IGSF1: variants seen among roughly 807,000 people sequenced by gnomAD.
IGSF1 encodes immunoglobulin superfamily member 1.
Under a neutral mutation model 95.3 loss-of-function variants are expected in IGSF1, and 40 were observed. The ratio of observed to expected loss-of-function variants is 0.42; its 90% confidence interval spans 0.33 to 0.55. The LOEUF (loss-of-function observed/expected upper bound fraction) is 0.55. IGSF1 is among the 20% of genes least tolerant of loss of function. The pLI, the probability that IGSF1 is intolerant of heterozygous loss-of-function variation, is 0.10. For missense variants in IGSF1, 906 were observed against 1,025.4 expected, an observed-to-expected ratio of 0.88 and a Z score of 1.59; for synonymous variants, 372 against 382.9, an observed-to-expected ratio of 0.97 and a Z score of 0.33.
In IGSF1 at chrX:131,282,432, G is replaced by A; in HGVS notation, c.1246+12C>T. 8.4e-7 allele frequency: 1 copy of A among 1,187,066 alleles called. No homozygotes were observed. The highest frequency in any genetic ancestry group is 1.1e-6 in the Non-Finnish European group (1 of 876,326). ...AAACAGGTTGATAATAAAAACAGTT[G>A]TTAACACTTGCCTACAACCATAAGC... is the stretch of plus-strand genomic sequence containing the variant. On this transcript the variant is annotated intron_variant, in intron 7 of 19. Coordinates refer to ENST00000361420, the MANE Select transcript of IGSF1 (RefSeq NM_001555.5).
In IGSF1 at chrX:131,273,773, A is replaced by G. The variant is rs2080443601; in HGVS notation, c.*23T>C. ...CTGAGAGCAAGAGAGAGGAGAGGAA[A>G]GCTCTTGTAAAGGAGGAGATTATTA... On this transcript the variant is annotated 3_prime_UTR_variant, in exon 20 of 20. Coordinates refer to ENST00000361420, the MANE Select transcript of IGSF1 (RefSeq NM_001555.5). 13 of 1,194,576 alleles carry G rather than the reference A, an allele frequency of 1.1e-5. No individual in the cohort carries two copies. The highest frequency in any genetic ancestry group is 1.5e-5 in the Non-Finnish European group (13 of 884,817).
rs755673400 is a variant in IGSF1, at chrX:131,275,316, AAG to A, written c.3185-32_3185-31del. On this transcript the variant is annotated intron_variant, in intron 16 of 19. Transcript: ENST00000361420. Reference sequence around the variant, plus strand: ...AAGAAATGAACTCCTGGTCAAAGAGAAGAGGTCACTTTCCAGTGCATCACCCC... The same window carrying A: ...AAGAAATGAACTCCTGGTCAAAGAGAAGGTCACTTTCCAGTGCATCACCCC... 3.3e-5 allele frequency: 40 copies of A among 1,194,271 alleles called. No individual in the cohort carries two copies. In the Admixed American group the frequency reaches 8.8e-4, roughly 26 times the overall value.
At chrX:131,274,932 A>AC in intron 17 of IGSF1, 55 bp from the exon 18 acceptor site, 1 of 1,196,960 alleles carries the variant, frequency 8.4e-7, no homozygotes, top group Non-Finnish European at 1.1e-6. Context: ...TTAGCCTTTT[A>AC]CCCCCTTATT....
At chrX:131,278,298 A>C (rs1171838097) in intron 12 of IGSF1, among the ~76,000 whole-genome samples, 163 bp downstream of exon 12, 6 of 101,333 alleles carry the variant, frequency 5.9e-5, no homozygotes, top group Non-Finnish European at 1.2e-4. Context: ...CCCTCCCCCT[A>C]CCCCATAACC....
At position 131,281,856 on chromosome X, in the gene IGSF1, A is replaced by G; in HGVS notation, c.1335T>C (p.His445=). ...ATTCCAGAGAAAATTCCAGTACTGG[A>G]TGAGATACTCGGCACTGAAGGGTGA... is the stretch of plus-strand genomic sequence containing the variant. The part of the protein sequence containing the change: ...KAITLQCRVS[H]PVLEFSLEWE... The change falls in exon 8 of 20, where the codon CAT becomes CAC. Residue 445 remains histidine, a synonymous_variant. Coordinates refer to ENST00000361420, the MANE Select transcript of IGSF1 (RefSeq NM_001555.5). 8.3e-7 allele frequency: 1 copy of G among 1,209,215 alleles called. No homozygotes were observed. Among genetic ancestry groups the G allele is most frequent in the African/African-American group, 1.7e-5 (1 of 57,644 alleles).
At position 131,274,065 on chromosome X, in the gene IGSF1, A is replaced by G; in HGVS notation, c.3875+18T>C. The G allele has an allele frequency of 8.3e-7, 1 of 1,211,119 alleles. No individual in the cohort carries two copies. Among genetic ancestry groups the G allele is most frequent in the South Asian group, 1.8e-5 (1 of 56,904 alleles). On this transcript the variant is annotated intron_variant, in intron 19 of 19. Transcript: ENST00000361420. ...CACCTGGTTCACAGAAGGGGGCCAT[A>G]ATGAGGCATTTATTTACCTGGTTCG...
At chrX:131,278,871 CCTTTCCTT>C (rs1369246315) in intron 11 of IGSF1, 120 bp from the exon 12 acceptor site, 22 of 685,272 alleles carry the variant, frequency 3.2e-5, no homozygotes, top group Non-Finnish European at 4.9e-5. Flanking sequence ...AAATCCAAAC[CCTTTCCTT>C]CTTTCCTTCC....
chrX:131,282,733 A>G lies in IGSF1; in HGVS notation c.957T>C (p.Thr319=), dbSNP rs1377238883. Residue 319 remains threonine (T), a synonymous_variant, in exon 7 of 20, where the codon ACT becomes ACC. Transcript: ENST00000361420. Reference sequence around the variant, plus strand: ...GAGCAAGTAGCCAGGTCTTGGGGAAAGTGTCTAGGATGAGACCCAGAATAA... The same window carrying G: ...GAGCAAGTAGCCAGGTCTTGGGGAAGGTGTCTAGGATGAGACCCAGAATAA... The part of the protein sequence containing the change: ...SDVLKIWVTD[T]FPKTWLLARP... 2.5e-6 allele frequency: 3 copies of G among 1,199,738 alleles called. No individual in the cohort carries two copies. Among genetic ancestry groups the G allele is most frequent in the Non-Finnish European group, 3.4e-6 (3 of 888,559 alleles).
chrX:131,282,553 G>C lies in IGSF1; in HGVS notation c.1137C>G (p.Leu379=). 1 of 1,209,327 alleles carries C rather than the reference G, an allele frequency of 8.3e-7. No homozygotes were observed. Among genetic ancestry groups the C allele is most frequent in the South Asian group, 1.8e-5 (1 of 56,893 alleles). The part of the protein sequence containing the change: ...TSIDDNTSFF[L]NNVTYSDTGI... ...CAGTATCACTGTAGGTTACATTGTT[G>C]AGGAAGAATGATGTGTTGTCATCGA... The change falls in exon 7 of 20, where the codon CTC becomes CTG. Residue 379 remains leucine (L), a synonymous_variant. Transcript: ENST00000361420.
chrX:131,279,072 G>A (rs2080516674), intron 11 of IGSF1, 71 bp downstream of exon 11: 2 of 1,049,971 alleles, frequency 1.9e-6, no homozygotes, highest in African/African-American at 3.7e-5. Flanking sequence ...CCTGGCCAAT[G>A]ACACTGACGC....
At chrX:131,280,945 C>T (rs780571873) in intron 9 of IGSF1, 39 of 254,500 alleles carry the variant, frequency 1.5e-4, no homozygotes, top group South Asian at 9.5e-5. Flanking sequence ...GGTTTGTGGG[C>T]GAGATTTGGG....
intron 5 of IGSF1, chrX:131,284,648 C>G (rs2080607094): frequency 1.3e-6 from 1 of 744,558 alleles, no homozygotes; most frequent in African/African-American, 2.3e-5. Flanking sequence ...CTTACTAGCT[C>G]TACTGATAGG....
Position 131,276,998 on chromosome X carries a change from C to T in IGSF1, c.2549G>A (p.Arg850Gln), listed in dbSNP as rs374589007. Reference sequence around the variant, plus strand: ...AGACCAGATAGAAAAGTCATAATATCGGCAGCTGTAATTCCCTCCATCACC... The same window carrying T: ...AGACCAGATAGAAAAGTCATAATATTGGCAGCTGTAATTCCCTCCATCACC... ...GIGDGGNYSC[R>Q]YYDFSIWSEP... The change falls in exon 14 of 20, where the codon CGA (arginine) becomes CAA (glutamine). Residue 850 changes from arginine to glutamine, a missense_variant. Physicochemically the swap from Arg to Gln is conservative, Grantham distance 43. This residue lies in a region of IGSF1 where 411 missense variants were observed against 494.9 expected (regional missense o/e 0.83). Coordinates refer to ENST00000361420, the MANE Select transcript of IGSF1 (RefSeq NM_001555.5). 7.4e-6 allele frequency: 9 copies of T among 1,210,934 alleles called. No individual in the cohort carries two copies. The highest frequency in any genetic ancestry group is 3.0e-5 in the East Asian group (1 of 33,829).
rs138781536 is a variant in IGSF1, at chrX:131,283,058, C to T, written c.874G>A (p.Gly292Arg). The T allele has an allele frequency of 2.5e-6, 3 of 1,203,648 alleles. No homozygotes were observed. The highest frequency in any genetic ancestry group is 5.9e-5 in the East Asian group (2 of 33,832). The stretch of plus-strand genomic sequence containing the variant: ...TCATAGTAAAAACAGAGGTAATGTC[C>T]AGTATCTTGGATCTTCAAAGACTGG... ...FFQSLKIQDTGHYLCFYYDAS... is the reference protein window; with the variant it reads ...FFQSLKIQDTRHYLCFYYDAS... Residue 292 changes from glycine to arginine, a missense_variant, in exon 6 of 20, where the codon GGA (glycine) becomes AGA (arginine). By Grantham distance (125) the Gly-to-Arg change is moderately radical (BLOSUM62 -2). This residue lies in a region of IGSF1 where 442 missense variants were observed against 448.1 expected (regional missense o/e 0.99). Coordinates refer to ENST00000361420, the MANE Select transcript of IGSF1 (RefSeq NM_001555.5).
chrX:131,278,025 C>G lies in IGSF1; in HGVS notation c.2151G>C (p.Glu717Asp), dbSNP rs1371501317. Residue 717 changes from glutamate to aspartate, a missense_variant, in exon 13 of 20, where the codon GAG becomes GAC. Glu to Asp is a conservative substitution (Grantham distance 45, BLOSUM62 2). Transcript: ENST00000361420. ...LAGMGFALYK[E>D]GEQEPVQQLG... ...GTTGCTGGACAGGTTCTTGCTCTCC[C>G]TCCTTATACAGAGCAAACCCCATGC... 1 of 1,208,984 alleles carries G rather than the reference C, an allele frequency of 8.3e-7. No individual in the cohort carries two copies. The highest frequency in any genetic ancestry group is 1.1e-6 in the Non-Finnish European group (1 of 894,309).
At chrX:131,276,897 C>A in intron 14 of IGSF1, 42 bp downstream of exon 14, 1 of 1,167,461 alleles carries the variant, frequency 8.6e-7, no homozygotes, top group South Asian at 1.9e-5. Flanking sequence ...ACCCACCATC[C>A]CAGGGTTGGC....
chrX:131,282,364 G>T, intron 7 of IGSF1, 80 bp downstream of exon 7: 1 of 787,917 alleles, frequency 1.3e-6, no homozygotes, highest in Non-Finnish European at 1.9e-6. Flanking sequence ...GAGGATATGA[G>T]GCTACTAGCT....
At chrX:131,287,951 A>C (rs902012209) in intron 1 of IGSF1, among the ~76,000 whole-genome samples, 1 of 111,949 alleles carries the variant, frequency 8.9e-6, no homozygotes, top group Non-Finnish European at 1.9e-5. Context: ...GAATAGAGAA[A>C]GGAACTGATT....
At chrX:131,282,876 TCTA>T in intron 6 of IGSF1, 101 bp downstream of exon 6, 3 of 942,776 alleles carry the variant, frequency 3.2e-6, no homozygotes, top group South Asian at 4.6e-5. Context: ...TGCTCCCTTC[TCTA>T]CTGTTAACCC....
Sources: allele counts gnomAD v4.1 joint callset (sites outside exome capture counted in the v4.1 genomes callset), GRCh38; gene constraint gnomAD v4.1.1; regional missense constraint gnomAD v4.1.1; transcripts MANE v1.5; gene names NCBI Gene and HGNC (gene_info 2026-07-23, HGNC 2026-07-21).